The following ROBO1 variants were observed in gnomAD, a reference collection of about 807,000 sequenced individuals.
ROBO1 encodes the protein roundabout homolog 1.
Under a neutral mutation model 195.9 loss-of-function variants are expected in ROBO1, and 149 were observed. The observed-to-expected ratio is 0.76, with a 90% CI of 0.67 to 0.87. ROBO1 has a LOEUF of 0.87. Ranked by LOEUF, ROBO1 falls within the 40% of genes least tolerant of loss-of-function variation. The probability of loss-of-function intolerance (pLI) is 0.00; values close to 1 mark genes in which losing one functional copy is unlikely to be tolerated. For synonymous variants in ROBO1, 816 were observed against 733.2 expected (o/e 1.11, Z -1.82); for missense variants, 1,933 against 2,068.3 (o/e 0.93, Z 1.27).
At chr3:79,582,668 C>G (rs1943697837) in intron 2 of ROBO1, among the ~76,000 whole-genome samples, 1 of 151,974 alleles carries the variant, frequency 6.6e-6, no homozygotes, top group Non-Finnish European at 1.5e-5. Flanking sequence ...CTCATTTAAA[C>G]TCTCTCATTC....
chr3:79,287,874 G>T (rs1330696735), intron 2 of ROBO1, among the ~76,000 whole-genome samples: 1 of 151,864 alleles, frequency 6.6e-6, no homozygotes, highest in African/African-American at 2.4e-5. Context: ...CAGTTATATA[G>T]TTTTTTTCTT....
intron 2 of ROBO1, among the ~76,000 whole-genome samples, chr3:79,507,674 C>T (rs1940474979): frequency 6.6e-6 from 1 of 152,092 alleles, no homozygotes; most frequent in Admixed American, 6.5e-5. Context: ...GGGTGTGTTT[C>T]TGTGGTATAT....
At chr3:78,686,008 C>T (rs2081042801) in intron 9 of ROBO1, 91 bp from the exon 10 acceptor site, 1 of 1,070,560 alleles carries the variant, frequency 9.3e-7, no homozygotes, top group African/African-American at 1.6e-5. Context: ...CATGTAAAAA[C>T]ATACATATAA....
intron 2 of ROBO1, among the ~76,000 whole-genome samples, chr3:79,582,825 C>T (rs1473872260): frequency 2.0e-5 from 3 of 151,948 alleles, no homozygotes; most frequent in Non-Finnish European, 2.9e-5. Flanking sequence ...AAGTTCTCAT[C>T]TTATACACTT....
intron 4 of ROBO1, among the ~76,000 whole-genome samples, chr3:78,885,263 T>C (rs2036479219): frequency 6.6e-6 from 1 of 151,166 alleles, no homozygotes. Context: ...TCTTGTGGGG[T>C]GGAGGGTGGA....
chr3:78,904,134 A>G (rs549906617), intron 4 of ROBO1, among the ~76,000 whole-genome samples: 162 of 151,642 alleles, frequency 1.1e-3, no homozygotes, highest in Non-Finnish European at 2.0e-3. Flanking sequence ...CAACATATAT[A>G]TACATATATA....
At chr3:78,864,962 T>C (rs983415173) in intron 4 of ROBO1, among the ~76,000 whole-genome samples, 2 of 152,196 alleles carry the variant, frequency 1.3e-5, no homozygotes, top group Non-Finnish European at 2.9e-5. Flanking sequence ...TTTTCACGTT[T>C]GATCGCTACT....
Position 79,334,310 on chromosome 3 carries a change from A to AT in ROBO1, c.89-208772_89-208771insA, listed in dbSNP as rs1344382663. ...GAGTGAGACTCTGTCTAAAAAAAAA[A>AT]AATATATATATATATATATATGTGT... On this transcript the variant is annotated intron_variant, in intron 2 of 30. Transcript: ENST00000464233. 6.2e-3 allele frequency among the ~76,000 whole-genome samples: 784 copies of AT among 125,610 alleles called. 3 individuals are homozygous for AT. The highest frequency in any genetic ancestry group is 0.035 in the East Asian group (158 of 4,500). The allele number at this position is 125,610 out of a possible 152,430, so 82.4% of individuals were successfully genotyped here.
chr3:79,515,900 T>G (rs1575952039), intron 2 of ROBO1, among the ~76,000 whole-genome samples: 1 of 152,318 alleles, frequency 6.6e-6, no homozygotes, highest in South Asian at 2.1e-4. Context: ...CAGTATATTT[T>G]ACTTCATGAA....
At chr3:79,300,700 A>G (rs2032893097) in intron 2 of ROBO1, among the ~76,000 whole-genome samples, 2 of 152,194 alleles carry the variant, frequency 1.3e-5, no homozygotes. Context: ...GGGGAGGTGG[A>G]GAACCTTTAT....
chr3:79,430,608 T>C (rs1266578740), intron 2 of ROBO1, among the ~76,000 whole-genome samples: 3 of 152,088 alleles, frequency 2.0e-5, no homozygotes, highest in African/African-American at 7.2e-5. Context: ...CACAACTTAG[T>C]GAATGGTTGC....
At chr3:78,631,367 C>A in intron 24 of ROBO1, 62 bp from the exon 25 acceptor site, 3 of 1,504,194 alleles carry the variant, frequency 2.0e-6, no homozygotes, top group Non-Finnish European at 2.7e-6. Context: ...CCATTAGTCA[C>A]AAGTTAATTA....
At chr3:78,897,859 G>A (rs1372612246) in intron 4 of ROBO1, among the ~76,000 whole-genome samples, 2 of 151,902 alleles carry the variant, frequency 1.3e-5, no homozygotes, top group African/African-American at 4.8e-5. Flanking sequence ...ATACAACAAA[G>A]AGATGTTCAG....
chr3:78,814,194 AAATT>A (rs2084829837), intron 4 of ROBO1, among the ~76,000 whole-genome samples: 1 of 152,078 alleles, frequency 6.6e-6, no homozygotes. Flanking sequence ...CTGAGGAAAG[AAATT>A]ATTTATTATC....
At chr3:79,606,776 A>G (rs1201575864) in intron 1 of ROBO1, among the ~76,000 whole-genome samples, 1 of 151,958 alleles carries the variant, frequency 6.6e-6, no homozygotes, top group Non-Finnish European at 1.5e-5. Flanking sequence ...TATTATTATT[A>G]TATTTTTCAA....
intron 5 of ROBO1, among the ~76,000 whole-genome samples, chr3:78,732,487 C>T (rs2082307028): frequency 6.6e-6 from 1 of 152,134 alleles, no homozygotes; most frequent in South Asian, 2.1e-4. Context: ...AAATATCCCA[C>T]ATACATTTCT....
intron 1 of ROBO1, among the ~76,000 whole-genome samples, chr3:79,711,863 C>G (rs368736053): frequency 8.1e-6 from 1 of 123,944 alleles, no homozygotes; most frequent in Non-Finnish European, 1.6e-5. Flanking sequence ...TTATTATATC[C>G]GTTATGGTAA....
chr3:78,655,767 T>C (rs976561754), intron 18 of ROBO1, among the ~76,000 whole-genome samples: 8 of 152,226 alleles, frequency 5.3e-5, no homozygotes, highest in African/African-American at 1.9e-4. Flanking sequence ...AACTAGTATG[T>C]AATTGTGAAT....
chr3:78,680,704 G>T (rs1005873305), intron 10 of ROBO1, among the ~76,000 whole-genome samples: 38 of 143,502 alleles, frequency 2.6e-4, no homozygotes, highest in Non-Finnish European at 5.0e-4. Flanking sequence ...AGAGGATGTG[G>T]AGAAATAGGA....
Sources: gnomAD v4.1 joint callset for allele counts (sites outside exome capture counted in the v4.1 genomes callset) on GRCh38, gnomAD v4.1.1 for gene constraint, MANE v1.5 for transcripts, NCBI Gene and HGNC (gene_info 2026-07-23, HGNC 2026-07-21) for gene names.